PDXK: variants seen among roughly 807,000 people sequenced by gnomAD.
The protein encoded by PDXK is pyridoxal kinase, also known as epididymis secretory sperm binding protein Li 1a.
In PDXK, 15 loss-of-function variants were observed where a neutral mutation model predicts 43.2. That is an observed-to-expected ratio of 0.35 (90% CI 0.23 to 0.53). PDXK has a LOEUF of 0.53. Ranked by LOEUF, PDXK falls within the 20% of genes least tolerant of loss-of-function variation. The probability of loss-of-function intolerance (pLI) is 0.92; values close to 1 mark genes in which losing one functional copy is unlikely to be tolerated. For synonymous variants in PDXK, 172 were observed against 165.4 expected (o/e 1.04, Z -0.31); for missense variants, 343 against 417.0 (o/e 0.82, Z 1.54).
chr21:43,726,386 C>A lies in PDXK; in HGVS notation c.87+7005C>A, dbSNP rs11702612. ...CTCCTCCCAGGTTCACGCCATTCTC[C>A]TGCCTCAGCCTCCCAGGTAGCTGGG... On this transcript the variant is annotated intron_variant, in intron 1 of 10. Coordinates refer to ENST00000291565, the MANE Select transcript of PDXK (RefSeq NM_003681.5). Among the ~76,000 whole-genome samples the A allele has an allele frequency of 4.5e-3, 687 of 151,546 alleles. 4 individuals carry two copies. The highest frequency in any genetic ancestry group is 7.7e-3 in the Non-Finnish European group (524 of 67,910).
At chr21:43,752,177 T>A (rs1033247968) in intron 7 of PDXK, among the ~76,000 whole-genome samples, 1 of 152,172 alleles carries the variant, frequency 6.6e-6, no homozygotes, top group African/African-American at 2.4e-5. Context: ...AGACAGTTTC[T>A]ACGAGAGTTA....
chr21:43,732,485 G>C lies in PDXK; in HGVS notation c.88-1584G>C, dbSNP rs201842321. ...GCCAGCCCAGGGGCTCAGCTTGCTC[G>C]TGCTCTCATTTAAAAGCAGAAAATA... On this transcript the variant is annotated intron_variant, in intron 1 of 10. Transcript: ENST00000291565. The surrounding 1 kb of genome is among the most constrained non-coding windows in gnomAD (Gnocchi z 4.1). The C allele has an allele frequency of 6.4e-7, 1 of 1,569,340 alleles. No individual in the cohort carries two copies. The highest frequency in any genetic ancestry group is 1.4e-5 in the African/African-American group (1 of 74,066).
At chr21:43,733,266 C>CCCCCCCCCCCCCCCCCCCCCCCCA (rs2083349124) in intron 1 of PDXK, among the ~76,000 whole-genome samples, 1 of 103,474 alleles carries the variant, frequency 9.7e-6, no homozygotes, top group African/African-American at 3.5e-5. Context: ...CCCCCCCCCG[C>CCCCCCCCCCCCCCCCCCCCCCCCA]CCCCCCCGCC....
rs781529562 is a variant in PDXK, at chr21:43,761,408, A to G, written c.*5345A>G. ...GCCCGTCAGTGCTGGGACGGACAGCAAGGGCAAGCCCAGTGTCTGGCGGAT... is the reference window on the plus strand; with the variant it reads ...GCCCGTCAGTGCTGGGACGGACAGCGAGGGCAAGCCCAGTGTCTGGCGGAT... On this transcript the variant is annotated 3_prime_UTR_variant, in exon 11 of 11. Coordinates refer to ENST00000291565, the MANE Select transcript of PDXK (RefSeq NM_003681.5). The G allele has an allele frequency of 5.1e-5, 8 of 156,312 alleles. No homozygotes were observed. Among genetic ancestry groups the G allele is most frequent in the Non-Finnish European group, 8.6e-5 (6 of 69,564 alleles). The allele number at this position is 156,312 out of a possible 1,614,324, so 9.7% of individuals were successfully genotyped here.
chr21:43,724,850 A>AAG (rs1168307724), intron 1 of PDXK, among the ~76,000 whole-genome samples: 2 of 151,932 alleles, frequency 1.3e-5, no homozygotes, highest in African/African-American at 4.8e-5. Flanking sequence ...CAAAAAAAAA[A>AAG]AAAAGTAAAA....
chr21:43,737,232 G>A lies in PDXK; in HGVS notation c.142+3109G>A. Reference sequence around the variant, plus strand: ...TGGTTCCCTGACGCCCTTCAGGCTGGGGGGTGGGAAAGCCGATCCCCCAAG... The same window carrying A: ...TGGTTCCCTGACGCCCTTCAGGCTGAGGGGTGGGAAAGCCGATCCCCCAAG... On this transcript the variant is annotated intron_variant, in intron 2 of 10. Coordinates refer to ENST00000291565, the MANE Select transcript of PDXK (RefSeq NM_003681.5). This position sits in a 1 kb window ranked among gnomAD's most constrained non-coding sequence, Gnocchi z 4.8. The A allele has an allele frequency of 7.0e-7, 1 of 1,429,598 alleles. No homozygotes were observed. Among genetic ancestry groups the A allele is most frequent in the Non-Finnish European group, 9.1e-7 (1 of 1,095,292 alleles). 88.6% of individuals were successfully genotyped at this position (1,429,598 alleles called of 1,614,324 possible). A position where few individuals can be genotyped will look rare whatever the true frequency, so the allele number is the denominator to read the frequency against.
intron 1 of PDXK, chr21:43,733,845 G>A (rs1470498424): frequency 3.0e-6 from 2 of 664,056 alleles, no homozygotes; most frequent in Non-Finnish European, 5.0e-6. Context: ...GCTCCCCAGA[G>A]AGGGAAGCCC....
chr21:43,733,975 A>G, intron 1 of PDXK, 94 bp from the exon 2 acceptor site: 8 of 1,294,954 alleles, frequency 6.2e-6, no homozygotes, highest in Non-Finnish European at 9.0e-6. Context: ...GCCGGGACTC[A>G]TTTACTCCCC....
chr21:43,736,991 G>A (rs771723767), intron 2 of PDXK: 3 of 702,448 alleles, frequency 4.3e-6, no homozygotes, highest in South Asian at 3.0e-5. Context: ...CTGGCGTGAA[G>A]TGGCGCAACC....
In PDXK at chr21:43,737,925, C is replaced by T. The variant is rs1367285892; in HGVS notation, c.143-3742C>T. ...TCTTGTGGGCTCTGGGCCCATCCCA[C>T]ATCCCACAGTGGGCAGGAGGCCACC... On this transcript the variant is annotated intron_variant, in intron 2 of 10. Coordinates refer to ENST00000291565, the MANE Select transcript of PDXK (RefSeq NM_003681.5). This position sits in a 1 kb window ranked among gnomAD's most constrained non-coding sequence, Gnocchi z 4.8. The T allele has an allele frequency of 1.0e-6, 1 of 985,514 alleles. No homozygotes were observed. The allele number at this position is 985,514 out of a possible 1,614,324, so 61.0% of individuals were successfully genotyped here.
chr21:43,740,564 C>T (rs550618108), intron 2 of PDXK, among the ~76,000 whole-genome samples: 5 of 151,934 alleles, frequency 3.3e-5, no homozygotes, highest in South Asian at 2.1e-4. Context: ...TGGATGGCTG[C>T]CCCCTGAGCA....
intron 1 of PDXK, among the ~76,000 whole-genome samples, chr21:43,731,131 T>A (rs2083311892): frequency 6.6e-6 from 1 of 152,164 alleles, no homozygotes; most frequent in African/African-American, 2.4e-5. Context: ...CCACTGTGCC[T>A]GGCCATATGA....
intron 2 of PDXK, among the ~76,000 whole-genome samples, chr21:43,740,249 G>A (rs1451444306): frequency 2.0e-5 from 3 of 152,114 alleles, no homozygotes; most frequent in Admixed American, 6.5e-5. Context: ...CCCTTCCAGC[G>A]GGAGCCAGCG....
rs372855286 is a variant in PDXK, at chr21:43,752,550, C to T, written c.543C>T (p.Asp181=). ...VMDMLHSMGP[D]TVVITSSDLP... is the part of the protein sequence containing the mutation. ...ACATGCTGCACTCTATGGGCCCCGACACCGTGGTCATCACCAGCTCCGACC... is the reference window on the plus strand; with the variant it reads ...ACATGCTGCACTCTATGGGCCCCGATACCGTGGTCATCACCAGCTCCGACC... Residue 181 remains aspartate, a synonymous_variant, in exon 8 of 11, where the codon GAC becomes GAT. Coordinates refer to ENST00000291565, the MANE Select transcript of PDXK (RefSeq NM_003681.5). 1 of 1,612,546 alleles carries T rather than the reference C, an allele frequency of 6.2e-7. No homozygotes were observed. The highest frequency in any genetic ancestry group is 8.5e-7 in the Non-Finnish European group (1 of 1,179,866).
chr21:43,743,806 C>T lies in PDXK; in HGVS notation c.330C>T (p.Tyr110=), dbSNP rs774393601. The change falls in exon 4 of 11, where the codon TAC becomes TAT. Residue 110 remains tyrosine (Y), a splice_region_variant and synonymous_variant. Coordinates refer to ENST00000291565, the MANE Select transcript of PDXK (RefSeq NM_003681.5). The part of the protein sequence containing the change: ...ELKQQNPRLV[Y]VCDPVLGDKW... ...AGCAGCAGAACCCCAGGCTGGTGTA[C>T]GGTAGGCAGGGGCCCACCCTCGGGT... 3.1e-6 allele frequency: 5 copies of T among 1,609,976 alleles called. No individual in the cohort carries two copies. In the African/African-American group the frequency reaches 4.0e-5, roughly 13 times the overall value.
chr21:43,741,780 C>A lies in PDXK; in HGVS notation c.247+9C>A, dbSNP rs2276243. The stretch of plus-strand genomic sequence containing the variant: ...TGACTACGTGCTCACAGGTAGGTGC[C>A]GGAGCAAGCTGCCGCAGGGGACTAC... On this transcript the variant is annotated intron_variant, in intron 3 of 10. Transcript: ENST00000291565. 117 of 1,574,090 alleles carry A rather than the reference C, an allele frequency of 7.4e-5. No individual in the cohort carries two copies. The East Asian group carries it at 2.1e-3, about 28-fold the overall frequency.
At chr21:43,750,970 G>A (rs2083739417) in intron 7 of PDXK, among the ~76,000 whole-genome samples, 1 of 152,168 alleles carries the variant, frequency 6.6e-6, no homozygotes, top group African/African-American at 2.4e-5. Context: ...GCATGTGTGT[G>A]TGTGTGTGTG....
chr21:43,725,205 C>T (rs78770771), intron 1 of PDXK, among the ~76,000 whole-genome samples: 2,966 of 152,202 alleles, frequency 0.019, 91 homozygotes, highest in African/African-American at 0.066. Flanking sequence ...CGACTGTAGT[C>T]TCAGCTGCTT....
In PDXK at chr21:43,754,289, T is replaced by C. The variant is rs899324561; in HGVS notation, c.759+570T>C. ...TTTGTAGAGATCGGGTGGCTTTGCT[T>C]AGACAGTGGGGGGAGTGGGACTGTT... On this transcript the variant is annotated intron_variant, in intron 9 of 10. Coordinates refer to ENST00000291565, the MANE Select transcript of PDXK (RefSeq NM_003681.5). The surrounding 1 kb of genome is among the most constrained non-coding windows in gnomAD (Gnocchi z 5.5). Among the ~76,000 whole-genome samples, 2 of 152,074 alleles carry C rather than the reference T, an allele frequency of 1.3e-5. No homozygotes were observed. Among genetic ancestry groups the C allele is most frequent in the South Asian group, 4.1e-4 (2 of 4,822 alleles).
Sources: gnomAD v4.1 joint callset for allele counts (sites outside exome capture counted in the v4.1 genomes callset) on GRCh38, gnomAD v4.1.1 for gene constraint, Gnocchi (gnomAD v3.1) non-coding constraint, MANE v1.5 for transcripts, NCBI Gene and HGNC (gene_info 2026-07-23, HGNC 2026-07-21) for gene names.